The following PLS3 variants were observed in gnomAD, a reference collection of about 807,000 sequenced individuals.
PLS3 encodes plastin 3, also known as plastin-3.
In PLS3, 11 loss-of-function variants were observed where a neutral mutation model predicts 46.5. The observed-to-expected ratio is 0.24, with a 90% CI of 0.15 to 0.39. The LOEUF (loss-of-function observed/expected upper bound fraction) is 0.39, where lower values mean the gene tolerates loss of function less well. Ranked by LOEUF, PLS3 falls within the 10% of genes least tolerant of loss-of-function variation. The pLI, the probability that PLS3 is intolerant of heterozygous loss-of-function variation, is 1.00. For missense variants in PLS3, 308 were observed against 461.8 expected, an observed-to-expected ratio of 0.67 and a Z score of 3.05; for synonymous variants, 167 against 162.2, an observed-to-expected ratio of 1.03 and a Z score of -0.22.
At chrX:115,648,736 A>G in intron 15 of PLS3, among the ~76,000 whole-genome samples, 1 of 112,162 alleles carries the variant, frequency 8.9e-6, no homozygotes, top group African/African-American at 3.2e-5. Flanking sequence ...TTTCTAGCAG[A>G]TATGACAAAG....
chrX:115,639,991 G>C (rs782547878), intron 8 of PLS3: 1 of 470,604 alleles, frequency 2.1e-6, no homozygotes, highest in Admixed American at 3.7e-5. Context: ...TCTCTTCTTC[G>C]TAGGTTGTGG....
intron 2 of PLS3, among the ~76,000 whole-genome samples, chrX:115,618,185 C>T (rs2074614833): frequency 8.9e-6 from 1 of 112,044 alleles, no homozygotes; most frequent in Admixed American, 9.5e-5. Context: ...CACTGTAGTT[C>T]TCCCACATCT....
At chrX:115,564,759 T>C (rs1330443025) in intron 1 of PLS3, among the ~76,000 whole-genome samples, 1 of 112,535 alleles carries the variant, frequency 8.9e-6, no homozygotes, top group Non-Finnish European at 1.9e-5. Flanking sequence ...GAACTGTTTC[T>C]TTTTTGATGT....
At chrX:115,633,729 G>A (rs2074802235) in intron 5 of PLS3, among the ~76,000 whole-genome samples, 1 of 110,871 alleles carries the variant, frequency 9.0e-6, no homozygotes, top group Admixed American at 9.7e-5. Flanking sequence ...CTGGCCTCAA[G>A]CAGTCCTCCT....
chrX:115,570,437 T>C (rs990942140), intron 1 of PLS3, among the ~76,000 whole-genome samples: 1 of 110,433 alleles, frequency 9.1e-6, no homozygotes, highest in Admixed American at 9.7e-5. Flanking sequence ...AATGTTGCCT[T>C]AGATGATTTT....
At chrX:115,620,706 CTTTTTTTTTTTTT>C (rs1176959674) in intron 2 of PLS3, among the ~76,000 whole-genome samples, 28 of 54,724 alleles carry the variant, frequency 5.1e-4, no homozygotes, top group Non-Finnish European at 7.8e-4. Context: ...TTTTTCTTTT[CTTTTTTTTTTTTT>C]TTTTTTTTTT....
intron 2 of PLS3, among the ~76,000 whole-genome samples, chrX:115,615,544 T>A (rs1231787637): frequency 1.9e-5 from 2 of 106,211 alleles, no homozygotes; most frequent in East Asian, 5.9e-4. Context: ...GAAACAGTCC[T>A]TTTAACAGTT....
chrX:115,566,837 C>G, intron 1 of PLS3, among the ~76,000 whole-genome samples: 1 of 110,492 alleles, frequency 9.1e-6, no homozygotes, highest in Non-Finnish European at 1.9e-5. Flanking sequence ...TACCACCACG[C>G]CTGGCTAATT....
chrX:115,635,650 C>CAA (rs10606256), intron 7 of PLS3, among the ~76,000 whole-genome samples: 14 of 21,804 alleles, frequency 6.4e-4, no homozygotes, highest in Admixed American at 2.1e-3. Context: ...GACTCTGTCT[C>CAA]AAAAAAAAAA....
intron 1 of PLS3, among the ~76,000 whole-genome samples, chrX:115,588,754 CT>C (rs1240049853): frequency 1.8e-5 from 2 of 110,204 alleles, no homozygotes; most frequent in African/African-American, 3.3e-5. Context: ...CCTTTCTTTT[CT>C]TTTTTTGAGT....
At chrX:115,584,882 G>A (rs1270944572) in intron 1 of PLS3, among the ~76,000 whole-genome samples, 1 of 112,048 alleles carries the variant, frequency 8.9e-6, no homozygotes, top group Non-Finnish European at 1.9e-5. Context: ...GTCCTGAAGT[G>A]AAATAAGATG....
At chrX:115,641,914 C>G (rs1344871575) in intron 9 of PLS3, among the ~76,000 whole-genome samples, 1 of 110,291 alleles carries the variant, frequency 9.1e-6, no homozygotes, top group African/African-American at 3.3e-5. Context: ...AGTGTTATTT[C>G]CCCAAAAGTC....
intron 1 of PLS3, among the ~76,000 whole-genome samples, chrX:115,567,330 C>G (rs1283714234): frequency 9.0e-6 from 1 of 111,284 alleles, no homozygotes; most frequent in Non-Finnish European, 1.9e-5. Context: ...GGCACGGTGG[C>G]TCACATCTGT....
chrX:115,583,186 A>G (rs1172892053), intron 1 of PLS3, among the ~76,000 whole-genome samples: 2 of 112,817 alleles, frequency 1.8e-5, no homozygotes, highest in African/African-American at 6.4e-5. Context: ...AAACTATATT[A>G]TGTAAAGCTC....
chrX:115,574,532 CAT>C (rs1556630984), intron 1 of PLS3, among the ~76,000 whole-genome samples: 1 of 111,212 alleles, frequency 9.0e-6, no homozygotes. Context: ...GAAATTGGGA[CAT>C]ATTAATATTT....
chrX:115,645,210 G>A, intron 11 of PLS3, 111 bp downstream of exon 11: 2 of 524,358 alleles, frequency 3.8e-6, no homozygotes, highest in African/African-American at 2.3e-5. Context: ...TATTTATATT[G>A]GAAAATGTCA....
Position 115,629,290 on chromosome X carries a change from A to G in PLS3, c.330A>G (p.Ser110=). Residue 110 remains serine (S), a synonymous_variant, in exon 4 of 16, where the codon TCA becomes TCG. Transcript: ENST00000355899. ...KEGICALGGT[S]ELSSEGTQHS... is the part of the protein sequence containing the mutation. ...GTATTTGTGCTCTGGGTGGAACTTC[A>G]GAGTTGTCCAGCGAAGGAACACAGC... The G allele has an allele frequency of 1.7e-6, 2 of 1,205,568 alleles. No individual in the cohort carries two copies. The highest frequency in any genetic ancestry group is 3.5e-5 in the African/African-American group (2 of 57,694).
At position 115,649,873 on chromosome X, in the gene PLS3, T is replaced by C; in HGVS notation, c.*312T>C. On this transcript the variant is annotated 3_prime_UTR_variant, in exon 16 of 16. Transcript: ENST00000355899. ...TGCTGTATGTTATTTCTTGCTCTGT[T>C]ATCTTTTGCCCTCTTAGAATGTCCC... 6.1e-6 allele frequency: 1 copy of C among 162,860 alleles called. No homozygotes were observed. The highest frequency in any genetic ancestry group is 7.2e-5 in the Admixed American group (1 of 13,905). The allele number at this position is 162,860 out of a possible 1,213,427, so 13.4% of individuals were successfully genotyped here.
chrX:115,571,483 C>A (rs185720670), intron 1 of PLS3, among the ~76,000 whole-genome samples: 7,590 of 105,577 alleles, frequency 0.072, 711 homozygotes, highest in African/African-American at 0.25. Flanking sequence ...GTGCCACTTC[C>A]CTCCAGCCTG....
Sources: gnomAD v4.1 joint callset for allele counts (sites outside exome capture counted in the v4.1 genomes callset) on GRCh38, gnomAD v4.1.1 for gene constraint, MANE v1.5 for transcripts, NCBI Gene and HGNC (gene_info 2026-07-23, HGNC 2026-07-21) for gene names.